TLE3: variants seen among roughly 807,000 people sequenced by gnomAD.
TLE3 encodes the protein transducin-like enhancer protein 3.
A neutral mutation model predicts 93.0 loss-of-function variants in TLE3; 14 were observed. That is an observed-to-expected ratio of 0.15 (90% confidence interval 0.10 to 0.24). TLE3 has a LOEUF of 0.24. TLE3 is among the 10% of genes least tolerant of loss of function. The pLI is 1.00. For synonymous variants in TLE3, 451 were observed against 425.0 expected, an observed-to-expected ratio of 1.06 and a Z score of -0.75; for missense variants, 693 against 1,046.6, an observed-to-expected ratio of 0.66 and a Z score of 4.66.
chr15:70,051,252 G>A (rs1199467575), intron 19 of TLE3, 139 bp downstream of exon 19: 8 of 764,420 alleles, frequency 1.0e-5, no homozygotes, highest in Non-Finnish European at 1.6e-5. Context: ...TCAGGTAGGG[G>A]TGGGGAGGGG....
intron 19 of TLE3, chr15:70,051,119 C>T (rs972844811): frequency 6.2e-6 from 2 of 322,578 alleles, no homozygotes; most frequent in Non-Finnish European, 1.2e-5. Flanking sequence ...TCCTCACTCT[C>T]CAAATCCGAC....
intron 8 of TLE3, among the ~76,000 whole-genome samples, 165 bp downstream of exon 8, chr15:70,064,289 A>C (rs1301461399): frequency 6.6e-6 from 1 of 152,194 alleles, no homozygotes; most frequent in Non-Finnish European, 1.5e-5. Context: ...AAGAGTAAAC[A>C]AACAACAAAA....
rs759183102 is a variant in TLE3, at chr15:70,096,662, C to T, written c.24+113G>A. The T allele has an allele frequency of 1.9e-6, 3 of 1,555,174 alleles. No individual in the cohort carries two copies. The Admixed American group carries it at 5.8e-5, about 30-fold the overall frequency. On this transcript the variant is annotated intron_variant, in intron 1 of 19. Coordinates refer to ENST00000451782, the MANE Select transcript of TLE3 (RefSeq NM_001105192.3). ...ATCCCCCTTTGTGTGAGAGCACACA[C>T]ACAAACACACACACCATAAAGGTAG...
At chr15:70,096,639 C>T (rs2142124600) in intron 1 of TLE3, 136 bp downstream of exon 1, 1 of 1,549,192 alleles carries the variant, frequency 6.5e-7, no homozygotes, top group Middle Eastern at 1.7e-4. Flanking sequence ...CCGGCCGCAT[C>T]CCCCTTTGTG....
At chr15:70,056,446 C>T in intron 13 of TLE3, 72 bp from the exon 14 acceptor site, 1 of 1,449,966 alleles carries the variant, frequency 6.9e-7, no homozygotes, top group Non-Finnish European at 9.5e-7. Flanking sequence ...TCCTCCACCA[C>T]CCACCCGGGG....
chr15:70,065,969 G>GC (rs1595909135), intron 7 of TLE3, 45 bp downstream of exon 7: 306 of 1,294,214 alleles, frequency 2.4e-4, no homozygotes, highest in Non-Finnish European at 2.8e-4. Flanking sequence ...GAGCGCCCAT[G>GC]CCCACCCCTG....
chr15:70,097,042 G>C lies in TLE3; in HGVS notation c.-244C>G. 1 of 561,338 alleles carries C rather than the reference G, an allele frequency of 1.8e-6. No individual in the cohort carries two copies. Among genetic ancestry groups the C allele is most frequent in the Non-Finnish European group, 3.1e-6 (1 of 326,686 alleles). 34.8% of individuals were successfully genotyped at this position (561,338 alleles called of 1,614,324 possible). A position where few individuals can be genotyped will look rare whatever the true frequency, so the allele number is the denominator to read the frequency against. On this transcript the variant is annotated 5_prime_UTR_variant, in exon 1 of 20. Transcript: ENST00000451782. ...GGCGCCGGGGCCGGGCGGCGGGCGC[G>C]GGCTTTGTGCGCCTAGGGCTCGGCG...
rs1203580220 is a variant in TLE3 at position 70,052,415 on chromosome 15, A to C, written c.2084T>G (p.Leu695Arg). ...HTKPDKYQLH[L>R]HESCVLSLKF... ...GAGGGAGAGCACGCAGCTCTCGTGC[A>C]GGTGCAGCTGGTACTTGTCAGGCTT... is the stretch of plus-strand genomic sequence containing the variant. Residue 695 changes from leucine to arginine, a missense_variant, in exon 18 of 20, where the codon CTG (leucine) becomes CGG (arginine). By Grantham distance (102) the Leu-to-Arg change is moderately radical. Coordinates refer to ENST00000451782, the MANE Select transcript of TLE3 (RefSeq NM_001105192.3). 1 of 1,613,924 alleles carries C rather than the reference A, an allele frequency of 6.2e-7. No individual in the cohort carries two copies. Among genetic ancestry groups the C allele is most frequent in the Non-Finnish European group, 8.5e-7 (1 of 1,179,944 alleles).
intron 8 of TLE3, among the ~76,000 whole-genome samples, 161 bp downstream of exon 8, chr15:70,064,293 A>G (rs944800975): frequency 6.6e-6 from 1 of 152,176 alleles, no homozygotes; most frequent in African/African-American, 2.4e-5. Flanking sequence ...GTAAACAAAC[A>G]ACAAAATCCC....
chr15:70,055,356 T>A lies in TLE3; in HGVS notation c.1329-58A>T, dbSNP rs181779656. 4 of 1,529,926 alleles carry A rather than the reference T, an allele frequency of 2.6e-6. No individual in the cohort carries two copies. The African/African-American group carries it at 4.1e-5, about 16-fold the overall frequency. The allele number at this position is 1,529,926 out of a possible 1,614,324, so 94.8% of individuals were successfully genotyped here. ...CCACCCCGGCCCCTCAGAGTTCCCA[T>A]AGGCCTGGCCCAGGTCATCTGCACT... On this transcript the variant is annotated intron_variant, in intron 14 of 19. Coordinates refer to ENST00000451782, the MANE Select transcript of TLE3 (RefSeq NM_001105192.3).
chr15:70,082,035 C>T (rs962504098), intron 4 of TLE3, among the ~76,000 whole-genome samples: 1 of 152,190 alleles, frequency 6.6e-6, no homozygotes, highest in Non-Finnish European at 1.5e-5. Flanking sequence ...AATCCCAGAG[C>T]TGCAGGGAAA....
intron 8 of TLE3, among the ~76,000 whole-genome samples, chr15:70,063,177 G>C (rs1215235174): frequency 2.6e-5 from 4 of 152,196 alleles, no homozygotes. Context: ...GTATGGATAA[G>C]GAAACTGAGG....
chr15:70,057,740 C>A, intron 12 of TLE3, 82 bp from the exon 13 acceptor site: 1 of 1,491,690 alleles, frequency 6.7e-7, no homozygotes. Flanking sequence ...AATAACCCTC[C>A]CTGCATTCTT....
intron 17 of TLE3, 123 bp downstream of exon 17, chr15:70,053,104 G>C: frequency 7.8e-7 from 1 of 1,284,340 alleles, no homozygotes; most frequent in Non-Finnish European, 1.1e-6. Context: ...GGCTCAGGTT[G>C]GTCCCAAGTC....
In TLE3 at chr15:70,074,382, T is replaced by G; in HGVS notation, c.372+151A>C. 3 of 937,230 alleles carry G rather than the reference T, an allele frequency of 3.2e-6. No homozygotes were observed. In the East Asian group the frequency reaches 8.2e-5, roughly 26 times the overall value. The allele number at this position is 937,230 out of a possible 1,614,324, so 58.1% of individuals were successfully genotyped here. Reference sequence around the variant, plus strand: ...CAAGGGGGAAACAGCCCTACATGGGTCCAAGCCCTTGGGGTGCTTGTAGAA... The same window carrying G: ...CAAGGGGGAAACAGCCCTACATGGGGCCAAGCCCTTGGGGTGCTTGTAGAA... On this transcript the variant is annotated intron_variant, in intron 6 of 19. Coordinates refer to ENST00000451782, the MANE Select transcript of TLE3 (RefSeq NM_001105192.3).
chr15:70,054,411 C>G, intron 16 of TLE3, 27 bp downstream of exon 16: 1 of 1,599,660 alleles, frequency 6.3e-7, no homozygotes, highest in Non-Finnish European at 8.5e-7. Context: ...CAGGACGAGG[C>G]ACTAATGCTC....
At chr15:70,083,493 C>T (rs956680502) in intron 4 of TLE3, among the ~76,000 whole-genome samples, 1 of 150,908 alleles carries the variant, frequency 6.6e-6, no homozygotes, top group Non-Finnish European at 1.5e-5. Flanking sequence ...CAACACTGCC[C>T]ATTCATCCCA....
chr15:70,097,468 C>T lies in TLE3; in HGVS notation c.-670G>A, dbSNP rs1037596441. 2.4e-6 allele frequency: 1 copy of T among 417,270 alleles called. No homozygotes were observed. The highest frequency in any genetic ancestry group is 4.2e-6 in the Non-Finnish European group (1 of 238,090). The allele number at this position is 417,270 out of a possible 1,614,324, so 25.8% of individuals were successfully genotyped here. A position where few individuals can be genotyped will look rare whatever the true frequency, so the allele number is the denominator to read the frequency against. ...CTACTGCCGCTGCCGCCGCCGCCGC[C>T]GCCGCTGCAAGCCCTTCCCAGGGCC... On this transcript the variant is annotated 5_prime_UTR_variant, in exon 1 of 20. Coordinates refer to ENST00000451782, the MANE Select transcript of TLE3 (RefSeq NM_001105192.3).
chr15:70,062,036 G>A (rs868542117), intron 8 of TLE3, among the ~76,000 whole-genome samples: 33 of 152,192 alleles, frequency 2.2e-4, no homozygotes, highest in African/African-American at 7.7e-4. Flanking sequence ...GGCAGTATTC[G>A]GTGGGAATAG....
Sources: allele counts gnomAD v4.1 joint callset (sites outside exome capture counted in the v4.1 genomes callset), GRCh38; gene constraint gnomAD v4.1.1; transcripts MANE v1.5; gene names NCBI Gene and HGNC (gene_info 2026-07-23, HGNC 2026-07-21).